Variants in LGSN observed in about 807,000 individuals in gnomAD.
LGSN encodes lengsin.
In LGSN, 21 loss-of-function variants were observed where a neutral mutation model predicts 19.5. That is an observed-to-expected ratio of 1.07 (90% CI 0.76 to 1.55). The LOEUF is 1.55. Among genes scored for constraint, LGSN ranks in the 40% most tolerant of loss-of-function variants. The pLI is 0.00. For synonymous variants in LGSN, 257 were observed against 215.6 expected (o/e 1.19, Z -1.68); for missense variants, 673 against 608.5 (o/e 1.11, Z -1.12).
chr6:63,304,871 A>C (rs1304471256), intron 1 of LGSN, among the ~76,000 whole-genome samples: 4 of 152,194 alleles, frequency 2.6e-5, no homozygotes, highest in African/African-American at 9.6e-5. Context: ...AAGACACTAT[A>C]ACCTATCAAT....
chr6:63,475,781 T>C, the LGSN span, among the ~76,000 whole-genome samples: 10 of 152,096 alleles, frequency 6.6e-5, no homozygotes, highest in African/African-American at 1.4e-4. Flanking sequence ...AGTAAGAAAA[T>C]GTTTTGGGCA....
chr6:63,548,845 T>C, the LGSN span: 2 of 757,986 alleles, frequency 2.6e-6, no homozygotes, highest in Admixed American at 1.7e-5. Flanking sequence ...TCAGTCCTGA[T>C]AGCTCCCACT....
At chr6:63,553,885 GT>G in the LGSN span, among the ~76,000 whole-genome samples, 1 of 152,120 alleles carries the variant, frequency 6.6e-6, no homozygotes, top group African/African-American at 2.4e-5. Flanking sequence ...TATTCAAAAG[GT>G]TATGGCTACA....
chr6:63,425,659 A>G, the LGSN span, among the ~76,000 whole-genome samples: 1 of 152,106 alleles, frequency 6.6e-6, no homozygotes, highest in African/African-American at 2.4e-5. Flanking sequence ...AAGGCAACAC[A>G]AGAGATCCTG....
chr6:63,475,590 T>C, the LGSN span, among the ~76,000 whole-genome samples: 1 of 152,116 alleles, frequency 6.6e-6, no homozygotes, highest in Admixed American at 6.6e-5. Context: ...ATTAAAGAGG[T>C]ATTCGAAATA....
chr6:63,474,901 A>C, the LGSN span, among the ~76,000 whole-genome samples: 1 of 151,952 alleles, frequency 6.6e-6, no homozygotes, highest in African/African-American at 2.4e-5. Context: ...AAAAAAAAAA[A>C]AAGGAAAGAA....
chr6:63,293,707 T>C, intron 2 of LGSN: 1 of 456,170 alleles, frequency 2.2e-6, no homozygotes, highest in Non-Finnish European at 4.4e-6. Context: ...ACATTGGTTG[T>C]TGTTCTGGGG....
the LGSN span, among the ~76,000 whole-genome samples, chr6:63,338,605 T>G: frequency 6.6e-6 from 1 of 152,166 alleles, no homozygotes; most frequent in Non-Finnish European, 1.5e-5. Context: ...CTTGGTTAGT[T>G]TAGCTAACAG....
intron 1 of LGSN, among the ~76,000 whole-genome samples, chr6:63,298,360 G>T (rs548454056): frequency 6.6e-6 from 1 of 152,300 alleles, no homozygotes; most frequent in South Asian, 2.1e-4. Flanking sequence ...ACACTGGACT[G>T]GGTTAGACTC....
At chr6:63,500,439 G>C in the LGSN span, among the ~76,000 whole-genome samples, 1 of 149,714 alleles carries the variant, frequency 6.7e-6, no homozygotes, top group Non-Finnish European at 1.5e-5. Context: ...TTTTTTTTTT[G>C]AGACGGAGTT....
At chr6:63,520,996 CA>C in the LGSN span, among the ~76,000 whole-genome samples, 1 of 152,044 alleles carries the variant, frequency 6.6e-6, no homozygotes, top group African/African-American at 2.4e-5. Context: ...GGAAACCAAA[CA>C]CCGCATGGTC....
At chr6:63,362,300 C>T in the LGSN span, among the ~76,000 whole-genome samples, 2 of 152,228 alleles carry the variant, frequency 1.3e-5, no homozygotes, top group African/African-American at 2.4e-5. Context: ...GTGAGCAACA[C>T]AGAAGACGGG....
chr6:63,289,817 G>A (rs1400137488), intron 2 of LGSN, among the ~76,000 whole-genome samples: 1 of 152,086 alleles, frequency 6.6e-6, no homozygotes, highest in South Asian at 2.1e-4. Context: ...GTGCACTTGC[G>A]AGAAAACTCT....
the LGSN span, among the ~76,000 whole-genome samples, chr6:63,412,694 A>AGAAGGAAGGAAGGAAGGAAGGACG: frequency 2.4e-5 from 3 of 127,270 alleles, no homozygotes; most frequent in South Asian, 2.5e-4. Flanking sequence ...AGAAAGAGAA[A>AGAAGGAAGGAAGGAAGGAAGGACG]GAAAGAAAGA....
chr6:63,451,213 T>C, the LGSN span, among the ~76,000 whole-genome samples: 1 of 152,128 alleles, frequency 6.6e-6, no homozygotes, highest in Non-Finnish European at 1.5e-5. Context: ...GAAATACCAT[T>C]GGACCCAGCA....
At chr6:63,493,348 C>G in the LGSN span, among the ~76,000 whole-genome samples, 1 of 152,208 alleles carries the variant, frequency 6.6e-6, no homozygotes, top group East Asian at 1.9e-4. Context: ...GAAATGTAAT[C>G]AGCCATCTGA....
At chr6:63,303,964 C>T (rs1187819710) in intron 1 of LGSN, among the ~76,000 whole-genome samples, 2 of 152,196 alleles carry the variant, frequency 1.3e-5, no homozygotes, top group Admixed American at 6.6e-5. Flanking sequence ...TGGAACAAGA[C>T]TTCTCTTCCA....
the LGSN span, among the ~76,000 whole-genome samples, chr6:63,439,937 CT>C: frequency 6.6e-6 from 1 of 152,160 alleles, no homozygotes; most frequent in African/African-American, 2.4e-5. Flanking sequence ...GCTTTGAAAT[CT>C]CTGCCTTTTT....
the LGSN span, among the ~76,000 whole-genome samples, chr6:63,455,427 A>T: frequency 6.6e-6 from 1 of 152,252 alleles, no homozygotes; most frequent in African/African-American, 2.4e-5. Context: ...CTCGTAAAAC[A>T]ACTTAGAAAT....
Sources: gnomAD v4.1 joint callset for allele counts (sites outside exome capture counted in the v4.1 genomes callset) on GRCh38, gnomAD v4.1.1 for gene constraint, MANE v1.5 for transcripts, NCBI Gene and HGNC (gene_info 2026-07-23, HGNC 2026-07-21) for gene names.